Variants in KIAA1217 observed in about 807,000 individuals in gnomAD.
The protein encoded by KIAA1217 is sickle tail protein homolog.
KIAA1217 carries 88 observed loss-of-function variants against 163.9 expected under a neutral mutation model. That is an observed-to-expected ratio of 0.54 (90% CI 0.45 to 0.64). The LOEUF is 0.64. KIAA1217 is among the 30% of genes least tolerant of loss of function. The pLI is 0.00. For missense variants in KIAA1217, 2,372 were observed against 2,475.0 expected, an observed-to-expected ratio of 0.96 and a Z score of 0.88; for synonymous variants, 903 against 923.1, an observed-to-expected ratio of 0.98 and a Z score of 0.39.
Position 24,546,339 on chromosome 10 carries a change from T to A in KIAA1217, c.*15T>A. 6.4e-7 allele frequency: 1 copy of A among 1,565,988 alleles called. No homozygotes were observed. The highest frequency in any genetic ancestry group is 8.6e-7 in the Non-Finnish European group (1 of 1,157,720). On this transcript the variant is annotated 3_prime_UTR_variant, in exon 21 of 21. Transcript: ENST00000376454. Reference sequence around the variant, plus strand: ...AAACCTCTTAAAGGTCAAATCCTATTAGGCACAAGTCGGAGTTACATTTAA... The same window carrying A: ...AAACCTCTTAAAGGTCAAATCCTATAAGGCACAAGTCGGAGTTACATTTAA...
intron 2 of KIAA1217, among the ~76,000 whole-genome samples, chr10:24,136,690 T>G (rs913119797): frequency 3.3e-5 from 5 of 152,232 alleles, no homozygotes; most frequent in Admixed American, 6.5e-5. Flanking sequence ...CTCCTGACTT[T>G]AGAATCTCAC....
At chr10:24,277,998 C>G (rs1259744419) in intron 2 of KIAA1217, among the ~76,000 whole-genome samples, 1 of 152,238 alleles carries the variant, frequency 6.6e-6, no homozygotes, top group Non-Finnish European at 1.5e-5. Flanking sequence ...GGACCTATGC[C>G]TTTTGTCCTT....
At chr10:24,261,369 C>T (rs532098189) in intron 2 of KIAA1217, among the ~76,000 whole-genome samples, 4 of 151,786 alleles carry the variant, frequency 2.6e-5, no homozygotes, top group East Asian at 3.9e-4. Context: ...TAGTGGTGGG[C>T]GTCTGTAATC....
intron 1 of KIAA1217, among the ~76,000 whole-genome samples, chr10:23,740,791 AT>A (rs1259598836): frequency 6.6e-6 from 1 of 151,182 alleles, no homozygotes; most frequent in African/African-American, 2.4e-5. Context: ...AAAAAAAAAA[AT>A]GGGCGCATGC....
At chr10:23,928,055 T>C (rs1843101982) in intron 1 of KIAA1217, among the ~76,000 whole-genome samples, 1 of 152,232 alleles carries the variant, frequency 6.6e-6, no homozygotes. Context: ...TTAAAAAGCA[T>C]AGCTTAAAAG....
chr10:24,399,461 TATA>T (rs2056259117), intron 3 of KIAA1217, among the ~76,000 whole-genome samples: 1 of 152,252 alleles, frequency 6.6e-6, no homozygotes, highest in African/African-American at 2.4e-5. Context: ...TGAGTTATTT[TATA>T]ATAATTAACA....
chr10:23,719,082 C>T (rs1837726626), intron 1 of KIAA1217, among the ~76,000 whole-genome samples: 2 of 152,136 alleles, frequency 1.3e-5, no homozygotes, highest in Non-Finnish European at 2.9e-5. Flanking sequence ...AACAGATATT[C>T]AGACAAATAA....
In KIAA1217 at chr10:23,796,047, G is replaced by A. The variant is rs1836185581; in HGVS notation, c.-321+100813G>A. The stretch of plus-strand genomic sequence containing the variant: ...TTCCATGCTTCCAGGGCCCTGGCAG[G>A]CTCCTAAGTCAAGTCCCTGCTCCAT... On this transcript the variant is annotated intron_variant, in intron 1 of 18. Coordinates refer to the KIAA1217 transcript ENST00000376462. Among the ~76,000 whole-genome samples, 3 of 152,080 alleles carry A rather than the reference G, an allele frequency of 2.0e-5. No homozygotes were observed. In the South Asian group the frequency reaches 6.2e-4, roughly 32 times the overall value.
At chr10:24,365,052 G>A (rs1458788746) in intron 2 of KIAA1217, among the ~76,000 whole-genome samples, 3 of 152,192 alleles carry the variant, frequency 2.0e-5, no homozygotes, top group South Asian at 2.1e-4. Flanking sequence ...CGATCCTCCT[G>A]TCTCAGCCTC....
At chr10:24,221,948 G>A (rs1197727794) in intron 2 of KIAA1217, among the ~76,000 whole-genome samples, 2 of 152,144 alleles carry the variant, frequency 1.3e-5, no homozygotes, top group Non-Finnish European at 2.9e-5. Flanking sequence ...GAGGTGGGAA[G>A]ATCACTGAAG....
intron 1 of KIAA1217, among the ~76,000 whole-genome samples, chr10:23,738,343 T>C (rs1838923097): frequency 6.6e-6 from 1 of 152,226 alleles, no homozygotes; most frequent in Non-Finnish European, 1.5e-5. Context: ...CTCTCACTGA[T>C]TCATTTGTTC....
chr10:23,812,802 T>TTG (rs1837134793), intron 1 of KIAA1217, among the ~76,000 whole-genome samples: 1 of 152,152 alleles, frequency 6.6e-6, no homozygotes, highest in African/African-American at 2.4e-5. Flanking sequence ...ATGTGGTTTT[T>TTG]TGTGTGTGTG....
At chr10:24,198,251 G>A (rs1589865453) in intron 2 of KIAA1217, among the ~76,000 whole-genome samples, 1 of 152,180 alleles carries the variant, frequency 6.6e-6, no homozygotes, top group East Asian at 1.9e-4. Context: ...GAATTCTTCA[G>A]CTAATTCTCT....
At chr10:23,782,699 T>C (rs1835313038) in intron 1 of KIAA1217, among the ~76,000 whole-genome samples, 2 of 152,156 alleles carry the variant, frequency 1.3e-5, no homozygotes, top group African/African-American at 2.4e-5. Flanking sequence ...TCCCAAAGTA[T>C]ATTATGTTTA....
chr10:23,809,663 T>C (rs1836900107), intron 1 of KIAA1217, among the ~76,000 whole-genome samples: 1 of 151,990 alleles, frequency 6.6e-6, no homozygotes, highest in African/African-American at 2.4e-5. Context: ...AATTTAACAG[T>C]GTCACTAAAA....
At chr10:24,050,556 T>C (rs1212396078) in intron 2 of KIAA1217, among the ~76,000 whole-genome samples, 1 of 152,162 alleles carries the variant, frequency 6.6e-6, no homozygotes, top group African/African-American at 2.4e-5. Context: ...ATTTATTAAA[T>C]AGGAAATCTT....
At position 24,365,512 on chromosome 10, in the gene KIAA1217, G is replaced by C. The variant is rs1403932980; in HGVS notation, c.355-15357G>C. ...CTTTATTATTTGTGGTCTACTTCAG[G>C]GTATTTCTTTCACAGTTGATGAAGC... On this transcript the variant is annotated intron_variant, in intron 2 of 20. Transcript: ENST00000376454. Among the ~76,000 whole-genome samples the C allele has an allele frequency of 2.6e-5, 4 of 151,874 alleles. No homozygotes were observed. The South Asian group carries it at 8.3e-4, about 32-fold the overall frequency.
chr10:24,063,739 C>G (rs1318153295), intron 2 of KIAA1217, among the ~76,000 whole-genome samples: 5 of 152,102 alleles, frequency 3.3e-5, no homozygotes, highest in Non-Finnish European at 5.9e-5. Context: ...GGTAGTATGG[C>G]CATTTTCATG....
chr10:23,891,639 C>T (rs1299763460), intron 1 of KIAA1217, among the ~76,000 whole-genome samples: 1 of 151,982 alleles, frequency 6.6e-6, no homozygotes, highest in African/African-American at 2.4e-5. Flanking sequence ...CTCTCAATTA[C>T]AGCGTTGTAC....
Sources: gnomAD v4.1 joint callset for allele counts (sites outside exome capture counted in the v4.1 genomes callset) on GRCh38, gnomAD v4.1.1 for gene constraint, MANE v1.5 for transcripts, NCBI Gene and HGNC (gene_info 2026-07-23, HGNC 2026-07-21) for gene names.